IGFBP7: variants seen among roughly 807,000 people sequenced by gnomAD.
The protein encoded by IGFBP7 is insulin-like growth factor-binding protein 7.
In IGFBP7, 31 loss-of-function variants were observed where a neutral mutation model predicts 29.4. That is an observed-to-expected ratio of 1.05 (90% confidence interval 0.79 to 1.42). The LOEUF (loss-of-function observed/expected upper bound fraction) is 1.42. IGFBP7 is among the 40% of genes most tolerant of loss of function. The pLI, the probability that IGFBP7 is intolerant of heterozygous loss-of-function variation, is 0.00. For synonymous variants in IGFBP7, 172 were observed against 174.9 expected (o/e 0.98, Z 0.13); for missense variants, 393 against 395.5 (o/e 0.99, Z 0.05).
chr4:57,102,131 T>C (rs1725913359), intron 1 of IGFBP7, among the ~76,000 whole-genome samples: 1 of 152,140 alleles, frequency 6.6e-6, no homozygotes, highest in Non-Finnish European at 1.5e-5. Context: ...AAAGGAAGCA[T>C]CATAATCTCA....
chr4:57,080,127 C>G (rs563177696), intron 1 of IGFBP7, among the ~76,000 whole-genome samples: 2 of 152,158 alleles, frequency 1.3e-5, no homozygotes, highest in Non-Finnish European at 2.9e-5. Context: ...GGGTCTCCCA[C>G]AGGGCTTGGT....
At chr4:57,036,040 A>G (rs1215149390) in intron 2 of IGFBP7, among the ~76,000 whole-genome samples, 2 of 152,218 alleles carry the variant, frequency 1.3e-5, no homozygotes, top group Non-Finnish European at 2.9e-5. Context: ...AAGTTAACAA[A>G]AATTTGGAAA....
chr4:57,074,062 TCTC>T (rs869093712), intron 1 of IGFBP7, among the ~76,000 whole-genome samples: 138 of 11,880 alleles, frequency 0.012, no homozygotes, highest in Middle Eastern at 0.12. Flanking sequence ...TCTCTCTCTC[TCTC>T]TCTTTTTTCT....
chr4:57,102,345 A>G (rs1337664689), intron 1 of IGFBP7, among the ~76,000 whole-genome samples: 1 of 152,214 alleles, frequency 6.6e-6, no homozygotes, highest in East Asian at 1.9e-4. Context: ...GCTCAGCTTA[A>G]TCATTCCATC....
At chr4:57,076,443 T>G (rs1376295533) in intron 1 of IGFBP7, among the ~76,000 whole-genome samples, 1 of 152,192 alleles carries the variant, frequency 6.6e-6, no homozygotes. Flanking sequence ...TGCTTGTCAC[T>G]CCTCCTTCAT....
chr4:57,094,150 C>A (rs538060321), intron 1 of IGFBP7, among the ~76,000 whole-genome samples: 2 of 152,270 alleles, frequency 1.3e-5, no homozygotes, highest in South Asian at 4.1e-4. Flanking sequence ...CAGTCTTTCT[C>A]CTGGGGCAAA....
chr4:57,052,772 T>C (rs543220923), intron 1 of IGFBP7, among the ~76,000 whole-genome samples: 53 of 152,306 alleles, frequency 3.5e-4, no homozygotes, highest in African/African-American at 1.3e-3. Context: ...TACCTCTGGA[T>C]TAATAAGACA....
At position 57,084,239 on chromosome 4, in the gene IGFBP7, T is replaced by A. The variant is rs139216517; in HGVS notation, c.475+25638A>T. On this transcript the variant is annotated intron_variant, in intron 1 of 4. Transcript: ENST00000295666. ...ATCAGGGAGTATCACAAAATTTAAGTATGTGGCTTATCATCTCTAATGAAG... is the reference window on the plus strand; with the variant it reads ...ATCAGGGAGTATCACAAAATTTAAGAATGTGGCTTATCATCTCTAATGAAG... Among the ~76,000 whole-genome samples, 707 of 152,342 alleles carry A rather than the reference T, an allele frequency of 4.6e-3. 6 individuals are homozygous for A. Among genetic ancestry groups the A allele is most frequent in the African/African-American group, 0.016 (666 of 41,578 alleles).
chr4:57,062,979 T>C (rs1724834332), intron 1 of IGFBP7, among the ~76,000 whole-genome samples: 1 of 152,192 alleles, frequency 6.6e-6, no homozygotes, highest in African/African-American at 2.4e-5. Flanking sequence ...GATCTGGCTC[T>C]GGGTAGCTTT....
chr4:57,048,049 T>G (rs1239158138), intron 1 of IGFBP7, among the ~76,000 whole-genome samples: 1 of 133,234 alleles, frequency 7.5e-6, no homozygotes. Context: ...TTTGCCCCCC[T>G]CCGCCCCCCT....
chr4:57,057,948 C>G (rs1724712490), intron 1 of IGFBP7, among the ~76,000 whole-genome samples: 1 of 152,102 alleles, frequency 6.6e-6, no homozygotes, highest in African/African-American at 2.4e-5. Flanking sequence ...AAAATAAGAA[C>G]AAGACTCTTG....
At position 57,110,190 on chromosome 4, in the gene IGFBP7, G is replaced by T. The variant is rs1726158113; in HGVS notation, c.162C>A (p.Arg54=). 5 of 1,388,340 alleles carry T rather than the reference G, an allele frequency of 3.6e-6. No individual in the cohort carries two copies. In the South Asian group the frequency reaches 6.6e-5, roughly 18 times the overall value. 86.0% of individuals were successfully genotyped at this position (1,388,340 alleles called of 1,614,324 possible). The stretch of plus-strand genomic sequence containing the variant: ...ACATAGGGCAGCAGCCGCACGCGTC[G>T]CGGGTCTCGCCCAGCAGGCAGCCCA... The part of the protein sequence containing the change: ...PPLGCLLGET[R]DACGCCPMCA... The change falls in exon 1 of 5, where the codon CGC becomes CGA. Residue 54 remains arginine, a synonymous_variant. Coordinates refer to ENST00000295666, the MANE Select transcript of IGFBP7 (RefSeq NM_001553.3).
In IGFBP7 at chr4:57,045,914, T is replaced by A. The variant is rs1406053805; in HGVS notation, c.476-4981A>T. Among the ~76,000 whole-genome samples the A allele has an allele frequency of 8.6e-5, 13 of 151,000 alleles. No homozygotes were observed. The South Asian group carries it at 2.7e-3, about 32-fold the overall frequency. ...CTAATTTTTGTATTTTTAGTAGAGA[T>A]GGGGTTTCACCATGTTGGCCAGGCT... On this transcript the variant is annotated intron_variant, in intron 1 of 4. Transcript: ENST00000295666.
chr4:57,031,733 T>C lies in IGFBP7; in HGVS notation c.830-397A>G, dbSNP rs146615832. On this transcript the variant is annotated intron_variant, in intron 4 of 4. Transcript: ENST00000295666. ...GACTCTTAGCTACTGTTCTGTTTCA[T>C]TGCCTGACATTACACATTATGGCTG... is the stretch of plus-strand genomic sequence containing the variant. 4.6e-5 allele frequency among the ~76,000 whole-genome samples: 7 copies of C among 152,368 alleles called. No individual in the cohort carries two copies. In the East Asian group the frequency reaches 1.4e-3, roughly 29 times the overall value.
intron 1 of IGFBP7, among the ~76,000 whole-genome samples, chr4:57,058,447 G>A (rs746431595): frequency 2.2e-4 from 33 of 151,392 alleles, no homozygotes; most frequent in South Asian, 8.4e-4. Context: ...AAGCCTGCAC[G>A]CCTACAACCA....
chr4:57,052,458 C>A (rs1724527990), intron 1 of IGFBP7, among the ~76,000 whole-genome samples: 1 of 152,190 alleles, frequency 6.6e-6, no homozygotes, highest in Non-Finnish European at 1.5e-5. Flanking sequence ...CCAAGGCAAG[C>A]ACTGTCTAGC....
intron 1 of IGFBP7, among the ~76,000 whole-genome samples, chr4:57,059,638 A>G (rs1724752628): frequency 6.6e-6 from 1 of 152,142 alleles, no homozygotes; most frequent in African/African-American, 2.4e-5. Context: ...AAGGGCAACT[A>G]TTGGGTACTA....
intron 2 of IGFBP7, among the ~76,000 whole-genome samples, chr4:57,034,702 G>C (rs938257737): frequency 6.6e-6 from 1 of 152,058 alleles, no homozygotes; most frequent in Non-Finnish European, 1.5e-5. Context: ...TATTTTCTCA[G>C]CTTTATGATG....
intron 1 of IGFBP7, among the ~76,000 whole-genome samples, chr4:57,044,409 C>T (rs181531236): frequency 3.9e-4 from 59 of 152,282 alleles, no homozygotes; most frequent in African/African-American, 1.3e-3. Flanking sequence ...CTTTTCGTGT[C>T]CTGTTTAAGA....
Sources: gnomAD v4.1 joint callset for allele counts (sites outside exome capture counted in the v4.1 genomes callset) on GRCh38, gnomAD v4.1.1 for gene constraint, MANE v1.5 for transcripts, NCBI Gene and HGNC (gene_info 2026-07-23, HGNC 2026-07-21) for gene names.